The following GNAI2 variants were observed in gnomAD, a reference collection of about 807,000 sequenced individuals.
GNAI2 encodes the protein G protein subunit alpha i2.
A neutral mutation model predicts 36.8 loss-of-function variants in GNAI2; 4 were observed. The ratio of observed to expected loss-of-function variants is 0.11; its 90% confidence interval spans 0.05 to 0.25. The LOEUF is 0.25. Ranked by LOEUF, GNAI2 falls within the 10% of genes least tolerant of loss-of-function variation. The pLI is 1.00. For missense variants in GNAI2, 230 were observed against 481.3 expected (o/e 0.48, Z 4.89); for synonymous variants, 194 against 194.1 (o/e 1.00, Z 0.01).
In GNAI2 at chr3:50,241,173, G is replaced by A. The variant is rs1559767334; in HGVS notation, c.118+4720G>A. ...CCTCTGGGGGTCTAGGTTTGGAGAT[G>A]TGGTAGGGCCCTGGGTGCCAGGTGG... On this transcript the variant is annotated intron_variant, in intron 1 of 8. Transcript: ENST00000313601. The surrounding 1 kb of genome is among the most constrained non-coding windows in gnomAD (Gnocchi z 5.0). Among the ~76,000 whole-genome samples the A allele has an allele frequency of 6.6e-6, 1 of 152,206 alleles. No individual in the cohort carries two copies. Among genetic ancestry groups the A allele is most frequent in the Non-Finnish European group, 1.5e-5 (1 of 68,024 alleles).
rs1198155682 is a variant in GNAI2 at position 50,258,485 on chromosome 3, C to T, written c.*142C>T. 6.2e-6 allele frequency: 1 copy of T among 160,838 alleles called. No homozygotes were observed. The highest frequency in any genetic ancestry group is 1.8e-4 in the East Asian group (1 of 5,466). The allele number at this position is 160,838 out of a possible 1,614,324, so 10.0% of individuals were successfully genotyped here. A position where few individuals can be genotyped will look rare whatever the true frequency, so the allele number is the denominator to read the frequency against. ...TTTCCTCTCTTTGTTCTCAGCTCCC[C>T]CTGTCCCCTCAGCTCCAGACGTAGG... is the stretch of plus-strand genomic sequence containing the variant. On this transcript the variant is annotated 3_prime_UTR_variant, in exon 9 of 9. Coordinates refer to ENST00000313601, the MANE Select transcript of GNAI2 (RefSeq NM_002070.4).
chr3:50,230,499 G>A (rs905157174), upstream of GNAI2: 11 of 152,270 alleles, frequency 7.2e-5, no homozygotes, highest in African/African-American at 1.2e-4. Context: ...CACCCACCCC[G>A]AAACTGCCTT....
At chr3:50,244,979 A>G (rs1700382241) in intron 1 of GNAI2, among the ~76,000 whole-genome samples, 1 of 151,506 alleles carries the variant, frequency 6.6e-6, no homozygotes, top group African/African-American at 2.4e-5. Context: ...ATCCAGCACT[A>G]GAATCTGTGA....
chr3:50,257,708 C>T lies in GNAI2; in HGVS notation c.*18C>T, dbSNP rs370947414. On this transcript the variant is annotated 3_prime_UTR_variant, in exon 8 of 9. Transcript: ENST00000313601. ...TCTTCTGAGGGGCAGCGGGGCCTGG[C>T]GGGATGGTGAGCCAGAGGGGCTGTG... 65 of 1,262,946 alleles carry T rather than the reference C, an allele frequency of 5.1e-5. No homozygotes were observed. Among genetic ancestry groups the T allele is most frequent in the East Asian group, 3.9e-4 (8 of 20,696 alleles). 78.2% of individuals were successfully genotyped at this position (1,262,946 alleles called of 1,614,324 possible). A position where few individuals can be genotyped will look rare whatever the true frequency, so the allele number is the denominator to read the frequency against.
upstream of GNAI2, chr3:50,236,201 C>A (rs587704655): frequency 3.4e-6 from 4 of 1,179,322 alleles, no homozygotes; most frequent in African/African-American, 6.4e-5. The surrounding 1 kb of genome is among the most constrained non-coding windows in gnomAD (Gnocchi z 4.0). Flanking sequence ...AGGCGCCTCC[C>A]GCAGTCGCTC....
chr3:50,245,228 C>A (rs1553701600), intron 1 of GNAI2, among the ~76,000 whole-genome samples: 2 of 152,150 alleles, frequency 1.3e-5, no homozygotes, highest in Non-Finnish European at 2.9e-5. Flanking sequence ...GAACTCCTGA[C>A]CTCAGGTGAT....
intron 1 of GNAI2, among the ~76,000 whole-genome samples, chr3:50,246,041 A>C (rs1232939797): frequency 1.3e-5 from 2 of 151,838 alleles, no homozygotes; most frequent in African/African-American, 2.4e-5. Context: ...CAAGACCTCG[A>C]GTCCCTGCCT....
rs587744628 is a variant in GNAI2 at position 50,240,942 on chromosome 3, A to G, written c.118+4489A>G. On this transcript the variant is annotated intron_variant, in intron 1 of 8. Coordinates refer to ENST00000313601, the MANE Select transcript of GNAI2 (RefSeq NM_002070.4). ...TCAAAAAAAAAAAAAAAAAAGAAAA[A>G]AAAAGAAAATGGATGAGGGACCCAC... Among the ~76,000 whole-genome samples the G allele has an allele frequency of 1.1e-4, 16 of 144,392 alleles. 1 individual carries two copies. The highest frequency in any genetic ancestry group is 3.4e-4 in the African/African-American group (12 of 35,338). The allele number at this position is 144,392 out of a possible 152,430, so 94.7% of individuals were successfully genotyped here.
At chr3:50,246,896 T>A (rs1013468585) in intron 1 of GNAI2, 1 of 1,438,294 alleles carries the variant, frequency 7.0e-7, no homozygotes, top group Non-Finnish European at 9.1e-7. Flanking sequence ...GAGGAGCCAG[T>A]AGCTCTGACT....
upstream of GNAI2, among the ~76,000 whole-genome samples, chr3:50,233,889 G>C (rs1700111368): frequency 1.4e-5 from 2 of 145,328 alleles, no homozygotes; most frequent in African/African-American, 5.2e-5. Flanking sequence ...GTGTAACAAG[G>C]TTCTTTTTTT....
chr3:50,257,971 A>C, intron 8 of GNAI2: 2 of 359,806 alleles, frequency 5.6e-6, no homozygotes, highest in Non-Finnish European at 1.0e-5. Flanking sequence ...CTGGGACAGA[A>C]CCAGAGGCCA....
chr3:50,247,529 C>A (rs1482796698), intron 1 of GNAI2, among the ~76,000 whole-genome samples: 1 of 152,208 alleles, frequency 6.6e-6, no homozygotes, highest in Non-Finnish European at 1.5e-5. Context: ...AGTGACAAGA[C>A]CTGTGGGCCT....
chr3:50,233,615 T>C (rs1368333927), upstream of GNAI2, among the ~76,000 whole-genome samples: 6 of 152,216 alleles, frequency 3.9e-5, no homozygotes, highest in Non-Finnish European at 7.3e-5. Context: ...GACCTATGTG[T>C]GGGTGTCTAC....
intron 4 of GNAI2, among the ~76,000 whole-genome samples, chr3:50,254,107 C>T (rs1356454580): frequency 6.6e-6 from 1 of 152,092 alleles, no homozygotes; most frequent in Non-Finnish European, 1.5e-5. Flanking sequence ...TGAGGAATTA[C>T]AAGGGGTCCC....
At position 50,236,815 on chromosome 3, in the gene GNAI2, T is replaced by A. The variant is rs1190346161; in HGVS notation, c.118+362T>A. Among the ~76,000 whole-genome samples, 1 of 152,102 alleles carries A rather than the reference T, an allele frequency of 6.6e-6. No homozygotes were observed. Among genetic ancestry groups the A allele is most frequent in the Non-Finnish European group, 1.5e-5 (1 of 68,000 alleles). Reference sequence around the variant, plus strand: ...AACCCCCAGGATGCCCGCCACTTGTTCCCCAACCCTCAGGCTCCGCTTGTT... The same window carrying A: ...AACCCCCAGGATGCCCGCCACTTGTACCCCAACCCTCAGGCTCCGCTTGTT... On this transcript the variant is annotated intron_variant, in intron 1 of 8. Coordinates refer to ENST00000313601, the MANE Select transcript of GNAI2 (RefSeq NM_002070.4). This position sits in a 1 kb window ranked among gnomAD's most constrained non-coding sequence, Gnocchi z 4.0.
intron 1 of GNAI2, 114 bp from the exon 2 acceptor site, chr3:50,251,986 C>T: frequency 9.4e-7 from 1 of 1,065,698 alleles, no homozygotes; most frequent in Non-Finnish European, 1.4e-6. Context: ...TCTCACGGTG[C>T]AGCTGGTGGG....
chr3:50,246,863 GA>G (rs1700436650), intron 1 of GNAI2: 1 of 1,423,694 alleles, frequency 7.0e-7, no homozygotes, highest in Non-Finnish European at 9.2e-7. Context: ...GAAGGGAAGT[GA>G]CGACACAGCG....
rs782029661 is a variant in GNAI2 at position 50,256,901 on chromosome 3, T to C, written c.724-36T>C. 1.9e-6 allele frequency: 3 copies of C among 1,612,720 alleles called. No individual in the cohort carries two copies. The South Asian group carries it at 3.3e-5, about 18-fold the overall frequency. On this transcript the variant is annotated intron_variant, in intron 6 of 8. Transcript: ENST00000313601. ...GGGTGGGGGCAGCGGGCTTGGGGAGTGGTGGCTAGCGTTGACCTTGCTATT... is the reference window on the plus strand; with the variant it reads ...GGGTGGGGGCAGCGGGCTTGGGGAGCGGTGGCTAGCGTTGACCTTGCTATT...
At chr3:50,237,121 T>C (rs1336412726) in intron 1 of GNAI2, among the ~76,000 whole-genome samples, 1 of 152,210 alleles carries the variant, frequency 6.6e-6, no homozygotes, top group African/African-American at 2.4e-5. Context: ...GATCCTCCCC[T>C]AAGTCCTCTT....
Sources: gnomAD v4.1 joint callset for allele counts (sites outside exome capture counted in the v4.1 genomes callset) on GRCh38, gnomAD v4.1.1 for gene constraint, Gnocchi (gnomAD v3.1) non-coding constraint, MANE v1.5 for transcripts, NCBI Gene and HGNC (gene_info 2026-07-23, HGNC 2026-07-21) for gene names.